The following NRIP1 variants were observed in gnomAD, a reference collection of about 807,000 sequenced individuals.
NRIP1 encodes the protein nuclear receptor-interacting protein 1.
Under a neutral mutation model 75.0 loss-of-function variants are expected in NRIP1, and 28 were observed. The observed-to-expected ratio is 0.37, with a 90% CI of 0.28 to 0.51. The LOEUF (loss-of-function observed/expected upper bound fraction) is 0.51. Among genes scored for constraint, NRIP1 ranks in the 20% least tolerant of loss-of-function variants. The pLI, the probability that NRIP1 is intolerant of heterozygous loss-of-function variation, is 0.92. For synonymous variants in NRIP1, 526 were observed against 487.6 expected, an observed-to-expected ratio of 1.08 and a Z score of -1.04; for missense variants, 1,435 against 1,343.7, an observed-to-expected ratio of 1.07 and a Z score of -1.06.
In NRIP1 at chr21:15,064,777, C is replaced by T. The variant is rs1978723167; in HGVS notation, c.-570G>A. On this transcript the variant is annotated 5_prime_UTR_variant, in exon 1 of 4. Coordinates refer to ENST00000318948, the MANE Select transcript of NRIP1 (RefSeq NM_003489.4). Reference sequence around the variant, plus strand: ...CGCCGCGGCTCCCAGCCTCCGGCTCCGTCAGGCTCGGTCCGCGAAGGCGCC... The same window carrying T: ...CGCCGCGGCTCCCAGCCTCCGGCTCTGTCAGGCTCGGTCCGCGAAGGCGCC... 6.7e-6 allele frequency: 1 copy of T among 149,024 alleles called. No individual in the cohort carries two copies. The highest frequency in any genetic ancestry group is 1.5e-5 in the Non-Finnish European group (1 of 66,784). The allele number at this position is 149,024 out of a possible 1,614,324, so 9.2% of individuals were successfully genotyped here.
chr21:15,033,218 C>T (rs2088751137), intron 2 of NRIP1, among the ~76,000 whole-genome samples: 1 of 109,006 alleles, frequency 9.2e-6, no homozygotes, highest in Admixed American at 1.0e-4. Flanking sequence ...GAGCGAGACT[C>T]TGTCTCAAAA....
chr21:14,961,396 A>T lies in NRIP1; in HGVS notation c.*3320T>A, dbSNP rs755436687. On this transcript the variant is annotated 3_prime_UTR_variant, in exon 4 of 4. Coordinates refer to ENST00000318948, the MANE Select transcript of NRIP1 (RefSeq NM_003489.4). ...AAAATGGCAAATTATATTACTGAGCAGATCGCATCAAATTTGGTTGTGTAA... is the reference window on the plus strand; with the variant it reads ...AAAATGGCAAATTATATTACTGAGCTGATCGCATCAAATTTGGTTGTGTAA... 4 of 152,462 alleles carry T rather than the reference A, an allele frequency of 2.6e-5. No homozygotes were observed. Among genetic ancestry groups the T allele is most frequent in the Non-Finnish European group, 4.4e-5 (3 of 67,912 alleles). The allele number at this position is 152,462 out of a possible 1,614,324, so 9.4% of individuals were successfully genotyped here.
intron 2 of NRIP1, among the ~76,000 whole-genome samples, chr21:15,016,131 G>A (rs1350339331): frequency 2.0e-5 from 3 of 152,150 alleles, no homozygotes; most frequent in South Asian, 2.1e-4. Context: ...TTCACAACTC[G>A]GTGAAATGAG....
chr21:15,012,805 A>G (rs1232940876), intron 3 of NRIP1, among the ~76,000 whole-genome samples: 1 of 151,536 alleles, frequency 6.6e-6, no homozygotes, highest in Non-Finnish European at 1.5e-5. Flanking sequence ...TCTAAGAACA[A>G]CTCATTGGCT....
chr21:14,978,271 G>A (rs2087132589), intron 3 of NRIP1, among the ~76,000 whole-genome samples: 1 of 152,154 alleles, frequency 6.6e-6, no homozygotes, highest in African/African-American at 2.4e-5. Context: ...TCAAATTATA[G>A]CTGATGAAAA....
intron 1 of NRIP1, among the ~76,000 whole-genome samples, chr21:15,061,029 AT>A (rs1447396185): frequency 6.6e-6 from 1 of 152,116 alleles, no homozygotes; most frequent in Non-Finnish European, 1.5e-5. Context: ...GAGCCTGCTC[AT>A]TCCCCCTCCC....
At chr21:14,998,059 G>A (rs1379431092) in intron 3 of NRIP1, among the ~76,000 whole-genome samples, 2 of 152,132 alleles carry the variant, frequency 1.3e-5, no homozygotes, top group South Asian at 4.1e-4. Flanking sequence ...CACTGCTACT[G>A]TCTAGCAGCT....
At chr21:15,059,061 G>GACTT (rs1262905505) in intron 1 of NRIP1, among the ~76,000 whole-genome samples, 1 of 152,202 alleles carries the variant, frequency 6.6e-6, no homozygotes, top group Non-Finnish European at 1.5e-5. Context: ...ACTAAGGAAT[G>GACTT]ACTTTGTTAA....
At chr21:15,001,048 A>G (rs997899897) in intron 3 of NRIP1, among the ~76,000 whole-genome samples, 2 of 152,240 alleles carry the variant, frequency 1.3e-5, no homozygotes, top group East Asian at 3.8e-4. Context: ...GTGATTATAC[A>G]GATCTCCGGA....
At chr21:15,034,378 T>C (rs2088783172) in intron 2 of NRIP1, among the ~76,000 whole-genome samples, 1 of 152,346 alleles carries the variant, frequency 6.6e-6, no homozygotes, top group Middle Eastern at 3.4e-3. Context: ...CTGAAAACTT[T>C]TTTTAACCTG....
chr21:14,965,558 C>G lies in NRIP1; in HGVS notation c.2635G>C (p.Asp879His). The stretch of plus-strand genomic sequence containing the variant: ...GGGGCACTGTGATTGTTTGCAGCAT[C>G]AACAATGTTGTTTTTCATCTTTTTA... ...PFKKMKNNIV[D>H]AANNHSAPEV... Residue 879 changes from aspartate to histidine, a missense_variant, in exon 4 of 4, where the codon GAT becomes CAT. Transcript: ENST00000318948. 6.2e-7 allele frequency: 1 copy of G among 1,614,024 alleles called. No homozygotes were observed. The highest frequency in any genetic ancestry group is 8.5e-7 in the Non-Finnish European group (1 of 1,179,928).
chr21:15,060,135 A>G (rs116749012), intron 1 of NRIP1, among the ~76,000 whole-genome samples: 1 of 152,304 alleles, frequency 6.6e-6, no homozygotes, highest in African/African-American at 2.4e-5. Flanking sequence ...TAACAGTGAG[A>G]AAAGTTAGTA....
chr21:15,048,946 A>C (rs531180093), intron 1 of NRIP1, among the ~76,000 whole-genome samples: 180 of 152,146 alleles, frequency 1.2e-3, no homozygotes, highest in African/African-American at 3.9e-3. Context: ...ATCTCCATTT[A>C]AAATATATCA....
At chr21:15,000,284 G>A (rs1176982796) in intron 3 of NRIP1, among the ~76,000 whole-genome samples, 1 of 152,116 alleles carries the variant, frequency 6.6e-6, no homozygotes, top group Non-Finnish European at 1.5e-5. Flanking sequence ...AGCCAAGAGA[G>A]AAGAAAGGAA....
At chr21:15,025,084 G>A (rs1401170908) in intron 2 of NRIP1, among the ~76,000 whole-genome samples, 3 of 152,120 alleles carry the variant, frequency 2.0e-5, no homozygotes, top group African/African-American at 4.8e-5. Flanking sequence ...GAGCAGAAGG[G>A]CATCCACAAA....
chr21:15,064,552 C>A (rs1030246815), intron 1 of NRIP1, among the ~76,000 whole-genome samples, 193 bp downstream of exon 1: 4 of 151,732 alleles, frequency 2.6e-5, no homozygotes, highest in African/African-American at 9.7e-5. Flanking sequence ...CCGCCCCGGC[C>A]CCCCGCGAGA....
At chr21:14,974,069 T>G (rs1447014269) in intron 3 of NRIP1, 1 of 152,138 alleles carries the variant, frequency 6.6e-6, no homozygotes, top group Non-Finnish European at 1.5e-5. Flanking sequence ...AAAAGACATT[T>G]TATTAATATT....
At chr21:15,050,807 G>A (rs996449176) in intron 1 of NRIP1, 1 of 456,012 alleles carries the variant, frequency 2.2e-6, no homozygotes, top group Non-Finnish European at 4.4e-6. Flanking sequence ...CCTTTCACAT[G>A]CAAACTAAAC....
intron 2 of NRIP1, among the ~76,000 whole-genome samples, chr21:15,015,677 A>C (rs2088210159): frequency 6.6e-6 from 1 of 152,072 alleles, no homozygotes; most frequent in South Asian, 2.1e-4. Flanking sequence ...AAGAAAATTA[A>C]ATTATATGAA....
Sources: allele counts gnomAD v4.1 joint callset (sites outside exome capture counted in the v4.1 genomes callset), GRCh38; gene constraint gnomAD v4.1.1; transcripts MANE v1.5; gene names NCBI Gene and HGNC (gene_info 2026-07-23, HGNC 2026-07-21).